NRXN3: variants seen among roughly 807,000 people sequenced by gnomAD.
The protein encoded by NRXN3 is neurexin III.
A neutral mutation model predicts 137.6 loss-of-function variants in NRXN3; 32 were observed. The ratio of observed to expected loss-of-function variants is 0.23; its 90% CI spans 0.18 to 0.31. NRXN3 has a LOEUF of 0.31. Among genes scored for constraint, NRXN3 ranks in the 10% least tolerant of loss-of-function variants. The pLI, the probability that NRXN3 is intolerant of heterozygous loss-of-function variation, is 1.00. For missense variants in NRXN3, 1,574 were observed against 2,062.5 expected, an observed-to-expected ratio of 0.76 and a Z score of 4.59; for synonymous variants, 798 against 784.5, an observed-to-expected ratio of 1.02 and a Z score of -0.29.
At position 79,666,231 on chromosome 14, in the gene NRXN3, G is replaced by C. The variant is rs995513394; in HGVS notation, c.3616+2282G>C. ...TCTCATTTTGTACTTTCTCTGTTTT[G>C]TTGTTCTTTAAGAAGATGTTCATTC... On this transcript the variant is annotated intron_variant, in intron 17 of 20. Transcript: ENST00000335750. Among the ~76,000 whole-genome samples the C allele has an allele frequency of 4.6e-5, 7 of 151,942 alleles. No homozygotes were observed. In the East Asian group the frequency reaches 7.8e-4, roughly 17 times the overall value.
At chr14:79,281,407 G>C (rs1598264623) in intron 15 of NRXN3, among the ~76,000 whole-genome samples, 1 of 152,138 alleles carries the variant, frequency 6.6e-6, no homozygotes, top group Non-Finnish European at 1.5e-5. Flanking sequence ...ATACTCAGCT[G>C]TTAGCCGGCT....
intron 4 of NRXN3, among the ~76,000 whole-genome samples, chr14:78,351,456 C>T (rs896551695): frequency 4.6e-5 from 7 of 152,142 alleles, no homozygotes; most frequent in South Asian, 4.1e-4. Context: ...CAATAGTAGA[C>T]GTTCTCTTTC....
chr14:78,606,244 G>T (rs2097251641), intron 4 of NRXN3, among the ~76,000 whole-genome samples: 1 of 152,176 alleles, frequency 6.6e-6, no homozygotes, highest in African/African-American at 2.4e-5. Context: ...TATGCTCAAT[G>T]CATGACTCTT....
intron 4 of NRXN3, among the ~76,000 whole-genome samples, chr14:78,506,643 GTTTTTTTTTTT>G (rs71131653): frequency 3.2e-3 from 336 of 105,402 alleles, no homozygotes; most frequent in Middle Eastern, 0.013. Context: ...TCTCATTGTA[GTTTTTTTTTTT>G]TTTTTTTTTT....
chr14:78,286,085 A>C (rs903080569), intron 3 of NRXN3, among the ~76,000 whole-genome samples: 1 of 152,014 alleles, frequency 6.6e-6, no homozygotes, highest in African/African-American at 2.4e-5. Flanking sequence ...TTATTGTCTT[A>C]GGCAGACCCA....
intron 15 of NRXN3, among the ~76,000 whole-genome samples, chr14:79,251,403 G>C (rs1251265525): frequency 6.6e-6 from 1 of 152,112 alleles, no homozygotes; most frequent in Admixed American, 6.5e-5. Context: ...CGTCTTTCAA[G>C]AAATGACTTC....
intron 19 of NRXN3, among the ~76,000 whole-genome samples, chr14:79,721,223 T>G (rs942429447): frequency 6.6e-6 from 1 of 152,138 alleles, no homozygotes; most frequent in Non-Finnish European, 1.5e-5. Flanking sequence ...AATAAATTCT[T>G]ACTACCTAAT....
chr14:79,212,176 G>A (rs1044134926), intron 15 of NRXN3, among the ~76,000 whole-genome samples: 2 of 152,144 alleles, frequency 1.3e-5, no homozygotes, highest in Non-Finnish European at 2.9e-5. Context: ...GCCCCTGTGA[G>A]CATCATTGTG....
intron 5 of NRXN3, among the ~76,000 whole-genome samples, chr14:78,649,768 A>G (rs1241780652): frequency 6.6e-6 from 1 of 150,534 alleles, no homozygotes; most frequent in Non-Finnish European, 1.5e-5. Context: ...TTTCCCTTTT[A>G]TATGGCCACG....
At chr14:78,429,799 G>A (rs1288596337) in intron 4 of NRXN3, among the ~76,000 whole-genome samples, 1 of 152,218 alleles carries the variant, frequency 6.6e-6, no homozygotes, top group African/African-American at 2.4e-5. Context: ...ACCATTAGGA[G>A]CTGAAAATAT....
At chr14:79,689,166 A>G (rs567800510) in intron 17 of NRXN3, among the ~76,000 whole-genome samples, 1 of 152,236 alleles carries the variant, frequency 6.6e-6, no homozygotes, top group East Asian at 1.9e-4. Context: ...TCTGTTGAAG[A>G]ATTGATTTCA....
At chr14:79,314,819 C>A (rs370948771) in intron 15 of NRXN3, among the ~76,000 whole-genome samples, 18,189 of 145,770 alleles carry the variant, frequency 0.12, 1,509 homozygotes, top group Non-Finnish European at 0.18. Context: ...ACACCTCACA[C>A]GGCAGGGTAT....
intron 15 of NRXN3, among the ~76,000 whole-genome samples, chr14:79,446,596 T>A (rs189733581): frequency 2.6e-5 from 4 of 152,228 alleles, no homozygotes; most frequent in Admixed American, 6.5e-5. Context: ...ACAGTTCTTA[T>A]AAGGTACCTA....
At chr14:78,215,070 T>G (rs778054644) in intron 1 of NRXN3, among the ~76,000 whole-genome samples, 9 of 152,108 alleles carry the variant, frequency 5.9e-5, no homozygotes, top group Non-Finnish European at 1.2e-4. Context: ...TTTTGTAAAC[T>G]CTAAAGTATT....
chr14:79,495,462 C>G (rs2153663194), intron 16 of NRXN3, among the ~76,000 whole-genome samples: 1 of 152,104 alleles, frequency 6.6e-6, no homozygotes, highest in African/African-American at 2.4e-5. Flanking sequence ...ACATCTCTAT[C>G]AATCCAGAAT....
chr14:79,241,444 C>T (rs2074271710), intron 15 of NRXN3, among the ~76,000 whole-genome samples: 1 of 152,126 alleles, frequency 6.6e-6, no homozygotes, highest in Non-Finnish European at 1.5e-5. Context: ...GAAGCAAAGG[C>T]ACATCTTACA....
At chr14:79,219,218 A>C (rs965483848) in intron 15 of NRXN3, among the ~76,000 whole-genome samples, 3 of 152,116 alleles carry the variant, frequency 2.0e-5, no homozygotes, top group Non-Finnish European at 4.4e-5. Context: ...GAACTCCTGC[A>C]CTCAAACAAT....
chr14:78,288,916 C>A (rs1254996192), intron 3 of NRXN3, among the ~76,000 whole-genome samples: 1 of 152,198 alleles, frequency 6.6e-6, no homozygotes, highest in Non-Finnish European at 1.5e-5. Flanking sequence ...TCTGTTCAGT[C>A]CAGCCACCTT....
chr14:79,556,889 G>A (rs2097434909), intron 16 of NRXN3, among the ~76,000 whole-genome samples: 1 of 152,068 alleles, frequency 6.6e-6, no homozygotes, highest in South Asian at 2.1e-4. Context: ...ACCCAATGTT[G>A]CACCTTTGCA....
Sources: allele counts gnomAD v4.1 joint callset (sites outside exome capture counted in the v4.1 genomes callset), GRCh38; gene constraint gnomAD v4.1.1; transcripts MANE v1.5; gene names NCBI Gene and HGNC (gene_info 2026-07-23, HGNC 2026-07-21).